The following B3GALT1 variants were observed in gnomAD, a reference collection of about 807,000 sequenced individuals.
B3GALT1 encodes beta-1,3-galactosyltransferase 1, also known as UDP-Gal:betaGlcNAc beta 1,3-galactosyltransferase, polypeptide 1.
In B3GALT1, 10 loss-of-function variants were observed where a neutral mutation model predicts 23.2. That is an observed-to-expected ratio of 0.43 (90% CI 0.27 to 0.73). The LOEUF (loss-of-function observed/expected upper bound fraction) is 0.73, where lower values mean the gene tolerates loss of function less well. Ranked by LOEUF, B3GALT1 falls within the 30% of genes least tolerant of loss-of-function variation. The probability of loss-of-function intolerance (pLI) is 0.21; values close to 1 mark genes in which losing one functional copy is unlikely to be tolerated. For missense variants in B3GALT1, 299 were observed against 405.4 expected (o/e 0.74, Z 2.25); for synonymous variants, 156 against 141.5 (o/e 1.10, Z -0.73).
chr2:167,580,678 A>G (rs1684468603), intron 2 of B3GALT1, among the ~76,000 whole-genome samples: 1 of 151,972 alleles, frequency 6.6e-6, no homozygotes, highest in Non-Finnish European at 1.5e-5. Context: ...TGTTAGTGTC[A>G]TGCCAACTGA....
Position 167,849,421 on chromosome 2 carries a change from C to T in B3GALT1, c.-229-19390C>T, listed in dbSNP as rs1451435519. Among the ~76,000 whole-genome samples, 3 of 152,208 alleles carry T rather than the reference C, an allele frequency of 2.0e-5. No homozygotes were observed. The East Asian group carries it at 5.8e-4, about 29-fold the overall frequency. On this transcript the variant is annotated intron_variant, in intron 4 of 4. Transcript: ENST00000392690. ...GAACAGAATAGACAACCCAGAAATA[C>T]ACCCAAATACTTACAGCCAACTGAT... is the stretch of plus-strand genomic sequence containing the variant.
At chr2:167,356,931 G>T (rs1291688405) in intron 1 of B3GALT1, among the ~76,000 whole-genome samples, 1 of 151,966 alleles carries the variant, frequency 6.6e-6, no homozygotes, top group Non-Finnish European at 1.5e-5. Flanking sequence ...AAATGTAAAT[G>T]AGGAAATTGT....
intron 4 of B3GALT1, among the ~76,000 whole-genome samples, chr2:167,833,297 C>G (rs1183543001): frequency 6.6e-6 from 1 of 152,180 alleles, no homozygotes. Context: ...TTCTTCCAAG[C>G]CCACAGCTCG....
chr2:167,557,014 A>C (rs892910895), intron 2 of B3GALT1, among the ~76,000 whole-genome samples: 2 of 152,192 alleles, frequency 1.3e-5, no homozygotes, highest in Admixed American at 6.5e-5. Context: ...GTGATTCTAA[A>C]AACTTGTGTC....
chr2:167,440,904 T>C (rs1355101017), intron 1 of B3GALT1, among the ~76,000 whole-genome samples: 2 of 152,240 alleles, frequency 1.3e-5, no homozygotes, highest in East Asian at 3.9e-4. Flanking sequence ...GCCTTCAATA[T>C]TATTAGATTC....
intron 2 of B3GALT1, among the ~76,000 whole-genome samples, chr2:167,568,601 G>GT (rs1182868655): frequency 1.3e-5 from 2 of 151,886 alleles, no homozygotes; most frequent in Non-Finnish European, 2.9e-5. Flanking sequence ...TTATTGTTTA[G>GT]TTTTTTAATA....
intron 2 of B3GALT1, among the ~76,000 whole-genome samples, chr2:167,606,927 A>G (rs929846969): frequency 9.2e-5 from 14 of 152,184 alleles, no homozygotes; most frequent in African/African-American, 2.9e-4. Flanking sequence ...AAAAGCAATG[A>G]AGAGTCTCAG....
At chr2:167,736,785 G>A (rs12692864) in intron 3 of B3GALT1, among the ~76,000 whole-genome samples, 1 of 151,820 alleles carries the variant, frequency 6.6e-6, no homozygotes, top group East Asian at 1.9e-4. Context: ...ACATGAAAAA[G>A]TAGCCGGGTG....
chr2:167,847,309 T>G (rs1049987038), intron 4 of B3GALT1, among the ~76,000 whole-genome samples: 3 of 152,158 alleles, frequency 2.0e-5, no homozygotes, highest in Admixed American at 1.3e-4. Context: ...CACATGGAAC[T>G]TTCTCCAAGA....
intron 1 of B3GALT1, among the ~76,000 whole-genome samples, chr2:167,412,456 C>T (rs547072332): frequency 4.6e-5 from 7 of 151,918 alleles, no homozygotes; most frequent in Non-Finnish European, 8.8e-5. Flanking sequence ...CTGGAACAAG[C>T]ATTTTGCAAA....
intron 1 of B3GALT1, among the ~76,000 whole-genome samples, chr2:167,336,216 A>G (rs1697055700): frequency 6.6e-6 from 1 of 152,048 alleles, no homozygotes; most frequent in Non-Finnish European, 1.5e-5. Context: ...CCTGAATCCT[A>G]CTGTTTTATG....
At position 167,869,280 on chromosome 2, in the gene B3GALT1, G is replaced by A; in HGVS notation, c.241G>A (p.Val81Ile). The part of the protein sequence containing the change: ...NKCEKNIPFL[V>I]ILISTTHKEF... ...ATGTGAGAAAAACATTCCTTTTCTTGTTATCCTCATCAGCACCACTCACAA... is the reference window on the plus strand; with the variant it reads ...ATGTGAGAAAAACATTCCTTTTCTTATTATCCTCATCAGCACCACTCACAA... The change falls in exon 5 of 5, where the codon GTT becomes ATT. Residue 81 changes from valine to isoleucine, a missense_variant. Around this residue, in one of 3 missense-constraint regions of B3GALT1, gnomAD observed 162 missense variants for 184.1 expected, o/e 0.88. Transcript: ENST00000392690. This position sits in a 1 kb window ranked among gnomAD's most constrained non-coding sequence, Gnocchi z 6.4. The A allele has an allele frequency of 6.2e-7, 1 of 1,614,082 alleles. No individual in the cohort carries two copies. Among genetic ancestry groups the A allele is most frequent in the Non-Finnish European group, 8.5e-7 (1 of 1,180,024 alleles).
intron 3 of B3GALT1, among the ~76,000 whole-genome samples, chr2:167,803,081 A>AC (rs1553489029): frequency 1.4e-5 from 2 of 141,376 alleles, no homozygotes; most frequent in East Asian, 2.1e-4. Flanking sequence ...GACCCTAACA[A>AC]ACACACACAC....
chr2:167,487,386 CCCACTGTTATTGGCATGTTT>C (rs1699643700), intron 1 of B3GALT1, among the ~76,000 whole-genome samples: 1 of 152,202 alleles, frequency 6.6e-6, no homozygotes, highest in South Asian at 2.1e-4. Context: ...TTTTGAACTA[CCCACTGTTATTGGCATGTTT>C]CCTCTTAGAG....
intron 3 of B3GALT1, among the ~76,000 whole-genome samples, chr2:167,783,172 A>G (rs1688275983): frequency 2.0e-5 from 3 of 152,158 alleles, no homozygotes; most frequent in Admixed American, 1.3e-4. Flanking sequence ...GAAAAACAAA[A>G]GTGATTAGAA....
chr2:167,599,433 T>C (rs1684835396), intron 2 of B3GALT1, among the ~76,000 whole-genome samples: 1 of 152,160 alleles, frequency 6.6e-6, no homozygotes, highest in Admixed American at 6.5e-5. Flanking sequence ...TCCAGTGATA[T>C]TATCAAAATC....
intron 1 of B3GALT1, among the ~76,000 whole-genome samples, chr2:167,399,493 C>A (rs901031493): frequency 1.3e-5 from 2 of 152,010 alleles, no homozygotes; most frequent in African/African-American, 4.8e-5. Context: ...TCTCTTCATT[C>A]TTTTTTCTTT....
At chr2:167,693,620 A>C (rs1230967643) in intron 3 of B3GALT1, among the ~76,000 whole-genome samples, 1 of 152,128 alleles carries the variant, frequency 6.6e-6, no homozygotes, top group Non-Finnish European at 1.5e-5. Flanking sequence ...TTACAAACTC[A>C]ATACACTAAT....
chr2:167,657,610 T>G (rs1426492693), intron 3 of B3GALT1, among the ~76,000 whole-genome samples: 1 of 152,118 alleles, frequency 6.6e-6, no homozygotes, highest in Non-Finnish European at 1.5e-5. Context: ...CATCTAATTA[T>G]TCACTTACCA....
Sources: gnomAD v4.1 joint callset for allele counts (sites outside exome capture counted in the v4.1 genomes callset) on GRCh38, gnomAD v4.1.1 for gene constraint, gnomAD v4.1.1 regional missense constraint, Gnocchi (gnomAD v3.1) non-coding constraint, MANE v1.5 for transcripts, NCBI Gene and HGNC (gene_info 2026-07-23, HGNC 2026-07-21) for gene names.